C1QTNF3: variants seen among roughly 807,000 people sequenced by gnomAD.
C1QTNF3 encodes the protein complement C1q tumor necrosis factor-related protein 3.
In C1QTNF3, 26 loss-of-function variants were observed where a neutral mutation model predicts 32.6. The ratio of observed to expected loss-of-function variants is 0.80; its 90% CI spans 0.58 to 1.11. C1QTNF3 has a LOEUF of 1.11. Ranked by LOEUF, C1QTNF3 falls within the 50% of genes least tolerant of loss-of-function variation. The pLI, the probability that C1QTNF3 is intolerant of heterozygous loss-of-function variation, is 0.00. For synonymous variants in C1QTNF3, 155 were observed against 146.0 expected (o/e 1.06, Z -0.44); for missense variants, 362 against 398.2 (o/e 0.91, Z 0.77).
chr5:34,162,381 G>T, the C1QTNF3 span, among the ~76,000 whole-genome samples: 6 of 151,962 alleles, frequency 3.9e-5, no homozygotes, highest in Admixed American at 3.3e-4. Flanking sequence ...CATTCATGAG[G>T]GCAGAACTCT....
chr5:34,111,916 C>T, the C1QTNF3 span, among the ~76,000 whole-genome samples: 2 of 152,182 alleles, frequency 1.3e-5, no homozygotes, highest in Non-Finnish European at 2.9e-5. Flanking sequence ...AGCACTTAGT[C>T]ACATGGCACA....
chr5:34,085,746 C>G, the C1QTNF3 span, among the ~76,000 whole-genome samples: 1 of 151,772 alleles, frequency 6.6e-6, no homozygotes, highest in Non-Finnish European at 1.5e-5. Flanking sequence ...GAGATACCAT[C>G]TCATGCCAGT....
At chr5:34,176,985 G>C in the C1QTNF3 span, among the ~76,000 whole-genome samples, 2 of 152,172 alleles carry the variant, frequency 1.3e-5, no homozygotes, top group Admixed American at 1.3e-4. Context: ...TTGAGCTCAA[G>C]AGTTCAAGAT....
chr5:34,229,127 A>G, the C1QTNF3 span, among the ~76,000 whole-genome samples: 1 of 152,186 alleles, frequency 6.6e-6, no homozygotes. Context: ...ACAGCAGAAC[A>G]GCACTTACGG....
At chr5:34,173,083 C>T in the C1QTNF3 span, among the ~76,000 whole-genome samples, 1 of 152,040 alleles carries the variant, frequency 6.6e-6, no homozygotes, top group East Asian at 1.9e-4. Flanking sequence ...TAATTTTTTT[C>T]TCCAAGTGTA....
At chr5:34,207,786 GAA>G in the C1QTNF3 span, among the ~76,000 whole-genome samples, 3 of 150,950 alleles carry the variant, frequency 2.0e-5, no homozygotes, top group Non-Finnish European at 4.4e-5. Flanking sequence ...GCATGCTTGA[GAA>G]AGTTTTTTTT....
the C1QTNF3 span, among the ~76,000 whole-genome samples, chr5:34,069,400 G>C: frequency 6.6e-6 from 1 of 152,026 alleles, no homozygotes; most frequent in Non-Finnish European, 1.5e-5. Flanking sequence ...GATGGTCACT[G>C]AAGGCAGATA....
chr5:34,124,236 C>A, the C1QTNF3 span: 1 of 478,274 alleles, frequency 2.1e-6, no homozygotes, highest in Non-Finnish European at 3.8e-6. Context: ...ATGGCTAGAT[C>A]CCTGGAAAGC....
At chr5:34,047,818 T>A (rs537418170), upstream of C1QTNF3, among the ~76,000 whole-genome samples, 1 of 152,274 alleles carries the variant, frequency 6.6e-6, no homozygotes, top group South Asian at 2.1e-4. Context: ...AAATTCCAGT[T>A]GAAGAAGAAG....
the C1QTNF3 span, chr5:34,164,841 C>CAT: frequency 6.6e-6 from 1 of 151,650 alleles, no homozygotes; most frequent in Non-Finnish European, 1.5e-5. Context: ...CACACACACA[C>CAT]ACGAAAAGCC....
chr5:34,047,611 C>G (rs568850632), upstream of C1QTNF3, among the ~76,000 whole-genome samples: 1 of 152,184 alleles, frequency 6.6e-6, no homozygotes, highest in East Asian at 1.9e-4. Context: ...CTTGCCTCTT[C>G]CCAGTGAAAA....
chr5:34,067,709 G>A, the C1QTNF3 span, among the ~76,000 whole-genome samples: 1 of 152,138 alleles, frequency 6.6e-6, no homozygotes, highest in Non-Finnish European at 1.5e-5. Flanking sequence ...ATATCAGCAT[G>A]ACATCTAGGA....
chr5:34,079,830 A>G, the C1QTNF3 span, among the ~76,000 whole-genome samples: 2 of 151,770 alleles, frequency 1.3e-5, 1 homozygote, highest in African/African-American at 4.9e-5. Flanking sequence ...AACAAGATGA[A>G]TAAGTCCTAG....
At chr5:34,084,789 GTTTT>G in the C1QTNF3 span, among the ~76,000 whole-genome samples, 1 of 68,762 alleles carries the variant, frequency 1.5e-5, no homozygotes, top group Non-Finnish European at 2.9e-5. Flanking sequence ...GGTTTTTCTG[GTTTT>G]TTTTTTGTTT....
the C1QTNF3 span, among the ~76,000 whole-genome samples, chr5:34,146,686 A>C: frequency 6.6e-6 from 1 of 152,222 alleles, no homozygotes; most frequent in Non-Finnish European, 1.5e-5. Context: ...TAAAGCTTTT[A>C]AAATAAGTCC....
At chr5:34,162,787 A>C in the C1QTNF3 span, among the ~76,000 whole-genome samples, 1 of 152,190 alleles carries the variant, frequency 6.6e-6, no homozygotes, top group Non-Finnish European at 1.5e-5. Context: ...CAGAATTTTA[A>C]TCAAATTATA....
the C1QTNF3 span, among the ~76,000 whole-genome samples, chr5:34,234,066 T>C: frequency 1.3e-5 from 2 of 152,168 alleles, no homozygotes; most frequent in African/African-American, 4.8e-5. Flanking sequence ...ACACCTATCA[T>C]AGTATCAAGT....
chr5:34,030,179 AG>A (rs1248768879), intron 3 of C1QTNF3, among the ~76,000 whole-genome samples: 2 of 152,230 alleles, frequency 1.3e-5, no homozygotes. Flanking sequence ...GGAACTGTAA[AG>A]TTTAGAGATG....
the C1QTNF3 span, among the ~76,000 whole-genome samples, chr5:34,123,424 G>A: frequency 6.6e-6 from 1 of 151,988 alleles, no homozygotes; most frequent in Non-Finnish European, 1.5e-5. Flanking sequence ...CAAACATGAG[G>A]TGTGTGTATT....
Sources: allele counts gnomAD v4.1 joint callset (sites outside exome capture counted in the v4.1 genomes callset), GRCh38; gene constraint gnomAD v4.1.1; transcripts MANE v1.5; gene names NCBI Gene and HGNC (gene_info 2026-07-23, HGNC 2026-07-21).